SETD1B: variants seen among roughly 807,000 people sequenced by gnomAD.
SETD1B encodes the protein SET domain containing 1B, histone lysine methyltransferase.
SETD1B carries 7 observed loss-of-function variants against 148.0 expected under a neutral mutation model. The observed-to-expected ratio is 0.05, with a 90% CI of 0.03 to 0.09. The LOEUF (loss-of-function observed/expected upper bound fraction) is 0.09, where lower values mean the gene tolerates loss of function less well. SETD1B is among the 10% of genes least tolerant of loss of function. The probability of loss-of-function intolerance (pLI) is 1.00; values close to 1 mark genes in which losing one functional copy is unlikely to be tolerated. For synonymous variants in SETD1B, 1,361 were observed against 1,186.5 expected (o/e 1.15, Z -3.02); for missense variants, 2,155 against 2,729.9 (o/e 0.79, Z 4.69).
intron 10 of SETD1B, among the ~76,000 whole-genome samples, chr12:121,818,825 G>A (rs1241433375): frequency 2.0e-5 from 3 of 151,172 alleles, no homozygotes; most frequent in African/African-American, 7.3e-5. Context: ...AGGAGGCGGA[G>A]CTTGCAGTGA....
the SETD1B span, chr12:121,793,615 G>T: frequency 6.5e-7 from 1 of 1,545,008 alleles, no homozygotes; most frequent in Non-Finnish European, 8.7e-7. Context: ...GTCTGGGCCA[G>T]GGCCCCGGGG....
In SETD1B at chr12:121,825,195, C is replaced by G; in HGVS notation, c.5171-5C>G. On this transcript the variant is annotated splice_polypyrimidine_tract_variant and splice_region_variant and intron_variant, in intron 12 of 16. Coordinates refer to ENST00000604567, the MANE Select transcript of SETD1B (RefSeq NM_001353345.2). Reference sequence around the variant, plus strand: ...ATGTCCATGTGGCCCTTGACCCACACCCACCCACCAGCCTCTCTTCAGCTA... The same window carrying G: ...ATGTCCATGTGGCCCTTGACCCACAGCCACCCACCAGCCTCTCTTCAGCTA... 6.4e-7 allele frequency: 1 copy of G among 1,551,200 alleles called. No homozygotes were observed. The highest frequency in any genetic ancestry group is 8.7e-7 in the Non-Finnish European group (1 of 1,146,894).
rs1438001434 is a variant in SETD1B, at chr12:121,814,606, C to A, written c.2391C>A (p.Phe797Leu). 1.3e-6 allele frequency: 2 copies of A among 1,540,724 alleles called. No individual in the cohort carries two copies. The highest frequency in any genetic ancestry group is 4.0e-5 in the Admixed American group (2 of 50,574). Residue 797 changes from phenylalanine to leucine, a missense_variant, in exon 7 of 17, where the codon TTC becomes TTA. Transcript: ENST00000604567. Reference sequence around the variant, plus strand: ...AGGGCGCCTGCCCCTACCCGCCCTTCATGGCCGCTGCGGCCGCCGCTGCCT... The same window carrying A: ...AGGGCGCCTGCCCCTACCCGCCCTTAATGGCCGCTGCGGCCGCCGCTGCCT... ...TGQGACPYPP[F>L]MAAAAAAASA...
rs778086955 is a variant in SETD1B at position 121,814,622 on chromosome 12, G to A, written c.2407G>A (p.Ala803Thr). 3.6e-5 allele frequency: 56 copies of A among 1,543,970 alleles called. No individual in the cohort carries two copies. Among genetic ancestry groups the A allele is most frequent in the South Asian group, 3.6e-4 (30 of 83,838 alleles). The change falls in exon 7 of 17, where the codon GCC becomes ACC. Residue 803 changes from alanine (A) to threonine (T), a missense_variant. By Grantham distance (58) the Ala-to-Thr change is moderately conservative (BLOSUM62 0). Around this residue, in one of 11 missense-constraint regions of SETD1B, gnomAD observed 289 missense variants for 423.7 expected, o/e 0.68. Coordinates refer to ENST00000604567, the MANE Select transcript of SETD1B (RefSeq NM_001353345.2). ...CCCGCCCTTCATGGCCGCTGCGGCC[G>A]CCGCTGCCTCAGCTGGGCTCCAGTT... ...PYPPFMAAAA[A>T]AASAGLQFVN...
chr12:121,796,936 C>A, the SETD1B span, among the ~76,000 whole-genome samples: 1 of 151,772 alleles, frequency 6.6e-6, no homozygotes, highest in Non-Finnish European at 1.5e-5. Context: ...TACTCGGAGG[C>A]TGAGGCAGGA....
chr12:121,824,284 A>C (rs1057449407), intron 12 of SETD1B, among the ~76,000 whole-genome samples: 1 of 152,218 alleles, frequency 6.6e-6, no homozygotes, highest in Non-Finnish European at 1.5e-5. Context: ...CACATAGGCC[A>C]GTGAGGCTAG....
the SETD1B span, chr12:121,797,128 C>T: frequency 1.3e-4 from 35 of 276,264 alleles, no homozygotes; most frequent in Admixed American, 6.4e-4. Flanking sequence ...ATGCACTGGG[C>T]CAGACGACCT....
chr12:121,819,279 A>C (rs2137570752), intron 10 of SETD1B, 125 bp from the exon 11 acceptor site: 16 of 1,485,102 alleles, frequency 1.1e-5, no homozygotes, highest in African/African-American at 1.4e-5. Flanking sequence ...CACATGCCCC[A>C]CACACATATC....
chr12:121,816,416 G>A lies in SETD1B; in HGVS notation c.2716-617G>A, dbSNP rs117640547. On this transcript the variant is annotated intron_variant, in intron 7 of 16. Transcript: ENST00000604567. The stretch of plus-strand genomic sequence containing the variant: ...CTGGGCAGTAAAATTAGAATGAACC[G>A]TCTGAAATCACTGATACACAGCTCT... Among the ~76,000 whole-genome samples, 52 of 152,274 alleles carry A rather than the reference G, an allele frequency of 3.4e-4. 1 individual carries two copies. In the South Asian group the frequency reaches 9.1e-3, roughly 27 times the overall value.
At chr12:121,799,942 TCTC>T (rs968326139), upstream of SETD1B, 3 of 152,198 alleles carry the variant, frequency 2.0e-5, no homozygotes, top group Admixed American at 1.3e-4. Flanking sequence ...CGTCGCCCCT[TCTC>T]CGGCCCAGAA....
At position 121,810,045 on chromosome 12, in the gene SETD1B, C is replaced by T. The variant is rs113279920; in HGVS notation, c.1100C>T (p.Pro367Leu). 5.8e-3 allele frequency: 9,033 copies of T among 1,550,306 alleles called. 36 individuals are homozygous for T. The highest frequency in any genetic ancestry group is 6.9e-3 in the Non-Finnish European group (7,888 of 1,146,936). ...GGCACTGGGGGCAGCAGCGGTCCCC[C>T]GTTCAAGGCTCAACCACAGGATTCA... Reference protein sequence around the residue: ...VGGTGGSSGPPFKAQPQDSAT... With the variant: ...VGGTGGSSGPLFKAQPQDSAT... The change falls in exon 6 of 17, where the codon CCG becomes CTG. Residue 367 changes from proline (P) to leucine (L), a missense_variant. Transcript: ENST00000604567. This position sits in a 1 kb window ranked among gnomAD's most constrained non-coding sequence, Gnocchi z 7.6.
the SETD1B span, chr12:121,793,399 T>C: frequency 6.7e-7 from 1 of 1,489,874 alleles, no homozygotes; most frequent in Non-Finnish European, 9.0e-7. Context: ...GGCGGCCGCC[T>C]GTCCGTGCTC....
chr12:121,815,108 C>G (rs1388428678), intron 7 of SETD1B, among the ~76,000 whole-genome samples, 178 bp downstream of exon 7: 1 of 152,136 alleles, frequency 6.6e-6, no homozygotes, highest in African/African-American at 2.4e-5. Context: ...ACTTCAGCAG[C>G]CACTAGATGC....
At chr12:121,799,632 A>G (rs1010730586), upstream of SETD1B, 1 of 149,792 alleles carries the variant, frequency 6.7e-6, no homozygotes, top group African/African-American at 2.5e-5. Flanking sequence ...AGAGACTTAC[A>G]CGCCCCAAAT....
In SETD1B at chr12:121,822,270, C is replaced by T. The variant is rs115853115; in HGVS notation, c.3911-220C>T. ...TATGAAAGGCTGGAATACATGTCTCCTGCATCTGTGATTTAGCCTAGCAAC... is the reference window on the plus strand; with the variant it reads ...TATGAAAGGCTGGAATACATGTCTCTTGCATCTGTGATTTAGCCTAGCAAC... On this transcript the variant is annotated intron_variant, in intron 11 of 16. Transcript: ENST00000604567. 5.8e-3 allele frequency among the ~76,000 whole-genome samples: 890 copies of T among 152,278 alleles called. 4 individuals are homozygous for T. Among genetic ancestry groups the T allele is most frequent in the African/African-American group, 0.02 (834 of 41,534 alleles).
intron 6 of SETD1B, 24 bp from the exon 7 acceptor site, chr12:121,814,082 T>C: frequency 6.5e-7 from 1 of 1,534,880 alleles, no homozygotes; most frequent in Non-Finnish European, 8.8e-7. Context: ...CTCACCTCAC[T>C]GTCTCTCCCT....
intron 11 of SETD1B, 121 bp from the exon 12 acceptor site, chr12:121,822,369 A>AG: frequency 1.7e-6 from 2 of 1,196,578 alleles, no homozygotes; most frequent in Non-Finnish European, 1.1e-6. Flanking sequence ...TAGCTGGAGA[A>AG]GGACAGGTCC....
Position 121,817,749 on chromosome 12 carries a change from G to A in SETD1B, c.3312+45G>A, listed in dbSNP as rs1876366914. On this transcript the variant is annotated intron_variant, in intron 9 of 16. Transcript: ENST00000604567. The surrounding 1 kb of genome is among the most constrained non-coding windows in gnomAD (Gnocchi z 8.1). ...GCCTCAGGGGGCCGGGCCAGGCGAC[G>A]AGGGCCAGACCCTTCGGCTCACCTG... 3.3e-6 allele frequency: 5 copies of A among 1,537,358 alleles called. No individual in the cohort carries two copies. Among genetic ancestry groups the A allele is most frequent in the Non-Finnish European group, 4.4e-6 (5 of 1,137,094 alleles).
At position 121,805,026 on chromosome 12, in the gene SETD1B, C is replaced by T; in HGVS notation, c.175-92C>T. 1 of 1,479,622 alleles carries T rather than the reference C, an allele frequency of 6.8e-7. No individual in the cohort carries two copies. The highest frequency in any genetic ancestry group is 1.3e-5 in the South Asian group (1 of 78,096). 91.7% of individuals were successfully genotyped at this position (1,479,622 alleles called of 1,614,324 possible). On this transcript the variant is annotated intron_variant, in intron 2 of 16. Transcript: ENST00000604567. This position sits in a 1 kb window ranked among gnomAD's most constrained non-coding sequence, Gnocchi z 4.2. ...GGCCAACTGTCAGACGGGGCCCCAGCCCTGGAGTTTGACAAGTGCCTCGAG... is the reference window on the plus strand; with the variant it reads ...GGCCAACTGTCAGACGGGGCCCCAGTCCTGGAGTTTGACAAGTGCCTCGAG...
Sources: allele counts gnomAD v4.1 joint callset (sites outside exome capture counted in the v4.1 genomes callset), GRCh38; gene constraint gnomAD v4.1.1; regional missense constraint gnomAD v4.1.1; non-coding constraint Gnocchi (gnomAD v3.1); transcripts MANE v1.5; gene names NCBI Gene and HGNC (gene_info 2026-07-23, HGNC 2026-07-21).